LMO7: variants seen among roughly 807,000 people sequenced by gnomAD.
LMO7 encodes LIM domain 7, also known as LIM domain only protein 7.
In LMO7, 120 loss-of-function variants were observed where a neutral mutation model predicts 206.5. The observed-to-expected ratio is 0.58, with a 90% CI of 0.50 to 0.68. The LOEUF is 0.68. LMO7 is among the 30% of genes least tolerant of loss of function. The probability of loss-of-function intolerance (pLI) is 0.00; values close to 1 mark genes in which losing one functional copy is unlikely to be tolerated. For synonymous variants in LMO7, 706 were observed against 681.5 expected (o/e 1.04, Z -0.56); for missense variants, 1,959 against 1,957.9 (o/e 1.00, Z -0.01).
At chr13:75,728,129 G>A (rs913831294) in intron 3 of LMO7, among the ~76,000 whole-genome samples, 1 of 152,084 alleles carries the variant, frequency 6.6e-6, no homozygotes, top group Non-Finnish European at 1.5e-5. Context: ...AATCCTTTGG[G>A]TATATACCCA....
chr13:75,712,055 C>G (rs1165210617), intron 1 of LMO7, among the ~76,000 whole-genome samples: 2 of 152,136 alleles, frequency 1.3e-5, no homozygotes, highest in Non-Finnish European at 2.9e-5. Context: ...GATATCATGT[C>G]TAGCTGCAGC....
chr13:75,663,956 T>C (rs1475010977), intron 1 of LMO7, among the ~76,000 whole-genome samples: 1 of 152,192 alleles, frequency 6.6e-6, no homozygotes, highest in Non-Finnish European at 1.5e-5. Flanking sequence ...TATCCATCAC[T>C]TCAAGCATTT....
At chr13:75,720,800 C>A (rs1299830988) in intron 2 of LMO7, among the ~76,000 whole-genome samples, 1 of 152,136 alleles carries the variant, frequency 6.6e-6, no homozygotes, top group East Asian at 1.9e-4. Flanking sequence ...TTAACTTTTA[C>A]TGTGTGTTGT....
intron 6 of LMO7, among the ~76,000 whole-genome samples, chr13:75,797,525 T>C (rs1396720792): frequency 6.6e-6 from 1 of 152,206 alleles, no homozygotes; most frequent in Non-Finnish European, 1.5e-5. Context: ...TGGTGTTTCA[T>C]CATCTAATTA....
intron 3 of LMO7, among the ~76,000 whole-genome samples, chr13:75,732,244 C>T (rs975005612): frequency 1.5e-4 from 23 of 152,248 alleles, no homozygotes; most frequent in South Asian, 4.2e-4. Context: ...CCATTCTCCC[C>T]GTCACTTTCA....
intron 1 of LMO7, among the ~76,000 whole-genome samples, chr13:75,653,660 G>GATGGAAAGCCATCAGTACA (rs2037785439): frequency 6.6e-6 from 1 of 152,204 alleles, no homozygotes; most frequent in African/African-American, 2.4e-5. Context: ...CTGAGTAAGA[G>GATGGAAAGCCATCAGTACA]ATGGAAAGCC....
At chr13:75,776,094 GAT>G (rs58885943) in intron 4 of LMO7, among the ~76,000 whole-genome samples, 55,130 of 102,612 alleles carry the variant, frequency 0.54, 14,678 homozygotes, top group East Asian at 0.82. Context: ...AAATGTTGTG[GAT>G]ATATATATAT....
In LMO7 at chr13:75,807,547, A is replaced by G; in HGVS notation, c.1264A>G (p.Lys422Glu). The G allele has an allele frequency of 6.2e-7, 1 of 1,613,906 alleles. No homozygotes were observed. Among genetic ancestry groups the G allele is most frequent in the Non-Finnish European group, 8.5e-7 (1 of 1,179,862 alleles). Residue 422 changes from lysine (K) to glutamate (E), a missense_variant, in exon 10 of 31, where the codon AAA (lysine) becomes GAA (glutamate). By Grantham distance (56) the Lys-to-Glu change is moderately conservative. Transcript: ENST00000377534. Reference protein sequence around the residue: ...DDILSSETHTKIDPTSGPRLI... With the variant: ...DDILSSETHTEIDPTSGPRLI... Reference sequence around the variant, plus strand: ...CATCTTGTCTTCTGAAACACATACCAAAATTGATCCCACTTCTGGCCCAAG... The same window carrying G: ...CATCTTGTCTTCTGAAACACATACCGAAATTGATCCCACTTCTGGCCCAAG...
chr13:75,689,507 C>G (rs1391149918), intron 1 of LMO7, among the ~76,000 whole-genome samples: 1 of 152,120 alleles, frequency 6.6e-6, no homozygotes, highest in Non-Finnish European at 1.5e-5. Context: ...TTGGGCGTGT[C>G]TGTGAGGGTG....
At chr13:75,839,456 G>A (rs776292614) in intron 20 of LMO7, among the ~76,000 whole-genome samples, 1 of 152,152 alleles carries the variant, frequency 6.6e-6, no homozygotes, top group African/African-American at 2.4e-5. Context: ...AATAATCATT[G>A]TTCTATGTAA....
intron 3 of LMO7, among the ~76,000 whole-genome samples, chr13:75,730,032 G>A (rs1334031597): frequency 6.6e-6 from 1 of 151,980 alleles, no homozygotes; most frequent in Non-Finnish European, 1.5e-5. Context: ...CGGTTTGCCA[G>A]TATTTTATTG....
chr13:75,789,972 G>A (rs2053032422), intron 4 of LMO7, among the ~76,000 whole-genome samples: 1 of 152,136 alleles, frequency 6.6e-6, no homozygotes. Flanking sequence ...GTAAACCAAG[G>A]ATGTGTGGGG....
At chr13:75,710,238 C>T (rs1034655078) in intron 1 of LMO7, among the ~76,000 whole-genome samples, 25 of 152,166 alleles carry the variant, frequency 1.6e-4, no homozygotes, top group African/African-American at 5.6e-4. Flanking sequence ...AGCGTGATAC[C>T]TCCAGCTTTT....
Position 75,857,958 on chromosome 13 carries a change from C to T in LMO7, c.*15C>T, listed in dbSNP as rs376296039. On this transcript the variant is annotated 3_prime_UTR_variant, in exon 31 of 31. Coordinates refer to ENST00000377534, the MANE Select transcript of LMO7 (RefSeq NM_001306080.2). ...CCGCCATGTGATGTAAGCCTCCATA[C>T]GAAAGCACTGTTGCAGATAGAAGAA... 35 of 1,609,404 alleles carry T rather than the reference C, an allele frequency of 2.2e-5. No homozygotes were observed. Among genetic ancestry groups the T allele is most frequent in the East Asian group, 2.0e-4 (9 of 44,534 alleles).
Position 75,781,359 on chromosome 13 carries a change from T to G in LMO7, c.318-14042T>G, listed in dbSNP as rs1458530798. 1.8e-3 allele frequency among the ~76,000 whole-genome samples: 243 copies of G among 137,738 alleles called. 1 individual carries two copies. Among genetic ancestry groups the G allele is most frequent in the African/African-American group, 5.0e-3 (184 of 36,866 alleles). 90.4% of individuals were successfully genotyped at this position (137,738 alleles called of 152,430 possible). On this transcript the variant is annotated intron_variant, in intron 4 of 30. Coordinates refer to ENST00000377534, the MANE Select transcript of LMO7 (RefSeq NM_001306080.2). ...GATCTCATTGTTCAATTCCCACCTA[T>G]GAGTGAGAATATGTGGTGTTTGGTT...
chr13:75,626,768 T>A (rs1476957822), intron 2 of LMO7: 3 of 151,110 alleles, frequency 2.0e-5, no homozygotes, highest in African/African-American at 7.3e-5. Flanking sequence ...TATTTTTTTG[T>A]AGAGACGAAG....
At position 75,780,829 on chromosome 13, in the gene LMO7, G is replaced by A. The variant is rs143410501; in HGVS notation, c.318-14572G>A. Reference sequence around the variant, plus strand: ...TCTTCACAATTTATGTTCTTCTGCCGTGGCTTCAGCTGGTCCCTTCGTTTG... The same window carrying A: ...TCTTCACAATTTATGTTCTTCTGCCATGGCTTCAGCTGGTCCCTTCGTTTG... On this transcript the variant is annotated intron_variant, in intron 4 of 30. Transcript: ENST00000377534. 2.1e-3 allele frequency among the ~76,000 whole-genome samples: 326 copies of A among 152,232 alleles called. 1 individual carries two copies. Among genetic ancestry groups the A allele is most frequent in the Non-Finnish European group, 3.4e-3 (228 of 68,028 alleles).
chr13:75,699,657 A>G (rs1280379360), intron 1 of LMO7, among the ~76,000 whole-genome samples: 2 of 152,306 alleles, frequency 1.3e-5, no homozygotes, highest in East Asian at 1.9e-4. Flanking sequence ...CAGAGATCGC[A>G]TGCTTCAGAA....
At chr13:75,826,803 C>A (rs12323251) in intron 15 of LMO7, among the ~76,000 whole-genome samples, 8,554 of 152,214 alleles carry the variant, frequency 0.056, 287 homozygotes, top group Middle Eastern at 0.13. Context: ...TGAACCCAGG[C>A]AGTCTGACTC....
Sources: allele counts gnomAD v4.1 joint callset (sites outside exome capture counted in the v4.1 genomes callset), GRCh38; gene constraint gnomAD v4.1.1; transcripts MANE v1.5; gene names NCBI Gene and HGNC (gene_info 2026-07-23, HGNC 2026-07-21).